The following CHIC1 variants were observed in gnomAD, a reference collection of about 807,000 sequenced individuals.
CHIC1 encodes cysteine-rich hydrophobic domain-containing protein 1.
Under a neutral mutation model 18.5 loss-of-function variants are expected in CHIC1, and 7 were observed. The observed-to-expected ratio is 0.38, with a 90% CI of 0.22 to 0.71. The LOEUF (loss-of-function observed/expected upper bound fraction) is 0.71, where lower values mean the gene tolerates loss of function less well. Among genes scored for constraint, CHIC1 ranks in the 30% least tolerant of loss-of-function variants. The probability of loss-of-function intolerance (pLI) is 0.49; values close to 1 mark genes in which losing one functional copy is unlikely to be tolerated. For synonymous variants in CHIC1, 77 were observed against 73.5 expected, an observed-to-expected ratio of 1.05 and a Z score of -0.25; for missense variants, 159 against 176.9, an observed-to-expected ratio of 0.90 and a Z score of 0.57.
chrX:73,566,893 A>G lies in CHIC1; in HGVS notation c.296+3313A>G, dbSNP rs186039826. 6.2e-5 allele frequency among the ~76,000 whole-genome samples: 7 copies of G among 112,156 alleles called. No homozygotes were observed. The East Asian group carries it at 2.0e-3, about 32-fold the overall frequency. On this transcript the variant is annotated intron_variant, in intron 1 of 5. Transcript: ENST00000373502. Reference sequence around the variant, plus strand: ...CTTCAGAGGCAAGGCAGGTCACAGAAAATAGTGCAGCATAAGGAGACATGG... The same window carrying G: ...CTTCAGAGGCAAGGCAGGTCACAGAGAATAGTGCAGCATAAGGAGACATGG...
intron 1 of CHIC1, among the ~76,000 whole-genome samples, chrX:73,566,937 A>T (rs773580664): frequency 8.9e-6 from 1 of 112,180 alleles, no homozygotes; most frequent in Non-Finnish European, 1.9e-5. Context: ...TTGAACTGAA[A>T]GTTATACGTC....
chrX:73,615,360 G>C (rs907339058), intron 3 of CHIC1, among the ~76,000 whole-genome samples: 5 of 111,747 alleles, frequency 4.5e-5, no homozygotes, highest in Non-Finnish European at 7.5e-5. Context: ...TAGTTACAGT[G>C]GTGGGCCGGT....
chrX:73,577,343 T>A (rs112789730), intron 1 of CHIC1, 64 bp from the exon 2 acceptor site: 17,193 of 888,016 alleles, frequency 0.019, 385 homozygotes, highest in African/African-American at 0.13. Context: ...AACTTTTTTT[T>A]AAAAAAAAGG....
chrX:73,577,302 A>T, intron 1 of CHIC1, 105 bp from the exon 2 acceptor site: 1 of 549,614 alleles, frequency 1.8e-6, no homozygotes, highest in Non-Finnish European at 2.8e-6. Context: ...TTTTTAAATT[A>T]AAAGGCCAAA....
At chrX:73,618,231 G>T (rs1017998839) in intron 3 of CHIC1, among the ~76,000 whole-genome samples, 2 of 111,605 alleles carry the variant, frequency 1.8e-5, no homozygotes, top group Non-Finnish European at 3.8e-5. Context: ...TAGTTTTATT[G>T]CACTAGTTTT....
intron 3 of CHIC1, among the ~76,000 whole-genome samples, chrX:73,677,720 G>A (rs903877808): frequency 8.9e-6 from 1 of 111,965 alleles, no homozygotes; most frequent in Admixed American, 9.4e-5. Context: ...GCTTCGGCTC[G>A]CACACGGTGC....
At chrX:73,676,817 ACAGTT>A (rs200373742) in intron 3 of CHIC1, among the ~76,000 whole-genome samples, 5,247 of 110,765 alleles carry the variant, frequency 0.047, 321 homozygotes, top group African/African-American at 0.16. Context: ...TCTGATTTTT[ACAGTT>A]TCCAGTTCTT....
At chrX:73,613,770 A>G (rs939673406) in intron 3 of CHIC1, among the ~76,000 whole-genome samples, 3 of 109,848 alleles carry the variant, frequency 2.7e-5, no homozygotes, top group African/African-American at 1.0e-4. Context: ...TTATCATTGG[A>G]TTTCTGGTTG....
intron 3 of CHIC1, among the ~76,000 whole-genome samples, chrX:73,603,298 G>A (rs2057661207): frequency 9.2e-6 from 1 of 108,135 alleles, no homozygotes; most frequent in Admixed American, 9.7e-5. Flanking sequence ...TTATTTGGCT[G>A]TTTGTCTATT....
At chrX:73,585,931 T>G (rs2057550845) in intron 3 of CHIC1, among the ~76,000 whole-genome samples, 1 of 111,229 alleles carries the variant, frequency 9.0e-6, no homozygotes, top group Non-Finnish European at 1.9e-5. Flanking sequence ...TTTGGATAAT[T>G]AAAAGCTCAT....
chrX:73,605,939 T>G (rs1317629949), intron 3 of CHIC1, among the ~76,000 whole-genome samples: 6 of 108,527 alleles, frequency 5.5e-5, no homozygotes, highest in Non-Finnish European at 1.9e-5. Flanking sequence ...TTTTCTTCAA[T>G]TCAGCTTTGG....
intron 1 of CHIC1, among the ~76,000 whole-genome samples, chrX:73,565,027 G>T (rs1403243001): frequency 5.4e-5 from 6 of 110,520 alleles, no homozygotes; most frequent in Admixed American, 4.8e-4. Context: ...TTGGGGAAGT[G>T]TTGGGGGAGG....
At chrX:73,657,423 G>C (rs1025624678) in intron 3 of CHIC1, among the ~76,000 whole-genome samples, 1 of 111,486 alleles carries the variant, frequency 9.0e-6, no homozygotes, top group Admixed American at 9.5e-5. Flanking sequence ...CTCTTGGCTT[G>C]CCTGTTGTTG....
intron 3 of CHIC1, among the ~76,000 whole-genome samples, chrX:73,619,620 T>C (rs2057750037): frequency 9.0e-6 from 1 of 111,633 alleles, no homozygotes; most frequent in South Asian, 3.8e-4. Flanking sequence ...TATTTTAAAC[T>C]GATGACAAGT....
intron 1 of CHIC1, among the ~76,000 whole-genome samples, chrX:73,564,802 T>TG (rs2057436918): frequency 1.1e-5 from 1 of 92,476 alleles, no homozygotes; most frequent in Non-Finnish European, 2.1e-5. Context: ...TTTTTTTTTT[T>TG]TTTTTTTTTT....
chrX:73,677,996 T>G (rs1479824945), intron 3 of CHIC1, among the ~76,000 whole-genome samples: 2 of 110,630 alleles, frequency 1.8e-5, no homozygotes, highest in Non-Finnish European at 3.8e-5. Flanking sequence ...AGGTTGTTTT[T>G]TTTTTTTTTT....
intron 3 of CHIC1, among the ~76,000 whole-genome samples, chrX:73,644,790 AG>A (rs1163433978): frequency 1.9e-5 from 2 of 104,080 alleles, no homozygotes; most frequent in African/African-American, 7.1e-5. Flanking sequence ...TCTGTCATCC[AG>A]GTTTGCTGTT....
At chrX:73,664,872 A>G (rs993223005) in intron 3 of CHIC1, among the ~76,000 whole-genome samples, 2 of 111,714 alleles carry the variant, frequency 1.8e-5, no homozygotes, top group Non-Finnish European at 3.8e-5. Context: ...CAGAGGAGGT[A>G]TTGGCTGGGC....
intron 3 of CHIC1, among the ~76,000 whole-genome samples, chrX:73,593,472 G>A (rs1381496009): frequency 9.0e-6 from 1 of 111,409 alleles, no homozygotes; most frequent in Non-Finnish European, 1.9e-5. Context: ...CAAGATTAGG[G>A]AAATGTTCAT....
Sources: gnomAD v4.1 joint callset for allele counts (sites outside exome capture counted in the v4.1 genomes callset) on GRCh38, gnomAD v4.1.1 for gene constraint, MANE v1.5 for transcripts, NCBI Gene and HGNC (gene_info 2026-07-23, HGNC 2026-07-21) for gene names.